Variants in SORCS1 observed in about 807,000 individuals in gnomAD.
SORCS1 encodes VPS10 domain-containing receptor SorCS1.
SORCS1 carries 60 observed loss-of-function variants against 146.1 expected under a neutral mutation model. That is an observed-to-expected ratio of 0.41 (90% CI 0.33 to 0.51). SORCS1 has a LOEUF of 0.51. Ranked by LOEUF, SORCS1 falls within the 20% of genes least tolerant of loss-of-function variation. The pLI is 0.21. For missense variants in SORCS1, 1,352 were observed against 1,487.6 expected (o/e 0.91, Z 1.50); for synonymous variants, 637 against 584.0 (o/e 1.09, Z -1.31).
intron 2 of SORCS1, among the ~76,000 whole-genome samples, chr10:106,885,263 A>T (rs1402717547): frequency 6.7e-6 from 1 of 148,652 alleles, no homozygotes; most frequent in Admixed American, 6.7e-5. Flanking sequence ...TAGAAATATA[A>T]TAAAGTTTTT....
intron 3 of SORCS1, among the ~76,000 whole-genome samples, chr10:106,783,995 A>AG (rs1009340730): frequency 8.5e-5 from 13 of 152,184 alleles, no homozygotes; most frequent in African/African-American, 2.9e-4. Context: ...TAAAAAAAAA[A>AG]CAGACTCATT....
At chr10:107,004,424 G>A (rs1957355145) in intron 1 of SORCS1, among the ~76,000 whole-genome samples, 1 of 152,108 alleles carries the variant, frequency 6.6e-6, no homozygotes, top group Admixed American at 6.6e-5. Flanking sequence ...CAATCATGGT[G>A]GAGAGAAAAA....
intron 1 of SORCS1, among the ~76,000 whole-genome samples, chr10:107,117,258 G>A (rs938537104): frequency 2.6e-5 from 4 of 152,190 alleles, no homozygotes; most frequent in African/African-American, 9.7e-5. Flanking sequence ...GAAACAAAAA[G>A]TAATGAAGGA....
At chr10:106,606,882 A>C (rs1225012797) in intron 23 of SORCS1, among the ~76,000 whole-genome samples, 2 of 152,194 alleles carry the variant, frequency 1.3e-5, no homozygotes, top group African/African-American at 4.8e-5. Context: ...GAAGAAGGAC[A>C]GGTTTGCTTC....
At chr10:106,891,369 G>C (rs931807377) in intron 2 of SORCS1, among the ~76,000 whole-genome samples, 3 of 152,088 alleles carry the variant, frequency 2.0e-5, no homozygotes, top group Non-Finnish European at 4.4e-5. Context: ...AGAGTGATCA[G>C]AATCAATGAA....
intron 5 of SORCS1, among the ~76,000 whole-genome samples, chr10:106,748,897 C>T (rs1857943032): frequency 6.6e-6 from 1 of 152,150 alleles, no homozygotes; most frequent in South Asian, 2.1e-4. Context: ...GGAAGCATGA[C>T]TCAACCAGAG....
chr10:106,581,597 AAC>A (rs1018783686), intron 24 of SORCS1, among the ~76,000 whole-genome samples: 2 of 151,024 alleles, frequency 1.3e-5, no homozygotes, highest in South Asian at 2.1e-4. Context: ...TGTGCATGCA[AAC>A]ACACACACAC....
At chr10:107,160,297 G>C (rs1249108092) in intron 1 of SORCS1, among the ~76,000 whole-genome samples, 1 of 152,178 alleles carries the variant, frequency 6.6e-6, no homozygotes, top group Admixed American at 6.5e-5. Flanking sequence ...GGATCACTTT[G>C]GGTGACAGTC....
intron 1 of SORCS1, among the ~76,000 whole-genome samples, chr10:107,049,744 T>C (rs1317791387): frequency 1.3e-5 from 2 of 152,122 alleles, no homozygotes; most frequent in African/African-American, 4.8e-5. Flanking sequence ...ATGCTCCAAA[T>C]TAGATTCTGT....
At chr10:106,760,736 C>T (rs12571999) in intron 5 of SORCS1, among the ~76,000 whole-genome samples, 7,824 of 150,730 alleles carry the variant, frequency 0.052, 402 homozygotes, top group East Asian at 0.25. Flanking sequence ...CACACACACA[C>T]GCACATTTGG....
At position 106,688,252 on chromosome 10, in the gene SORCS1, G is replaced by A. The variant is rs758534208; in HGVS notation, c.1500C>T (p.Asp500=). ...TGTCCGGCGCCTGCAGCAAACGCCA[G>A]TCTCTGCCTTTGTTATATGTGATGA... is the stretch of plus-strand genomic sequence containing the variant. ...KTFITYNKGR[D]WRLLQAPDTD... Residue 500 remains aspartate (D), a synonymous_variant, in exon 10 of 26, where the codon GAC becomes GAT. Transcript: ENST00000263054. 1.2e-6 allele frequency: 2 copies of A among 1,613,976 alleles called. No homozygotes were observed. The highest frequency in any genetic ancestry group is 4.5e-5 in the East Asian group (2 of 44,888).
At chr10:107,103,363 A>ATTTATTAATATAT (rs1965080202) in intron 1 of SORCS1, among the ~76,000 whole-genome samples, 1 of 152,218 alleles carries the variant, frequency 6.6e-6, no homozygotes, top group Admixed American at 6.5e-5. Flanking sequence ...GTCCCGACTA[A>ATTTATTAATATAT]GGTTTATTAA....
chr10:107,175,974 G>A, the SORCS1 span, among the ~76,000 whole-genome samples: 123 of 152,028 alleles, frequency 8.1e-4, 1 homozygote, highest in South Asian at 1.7e-3. Flanking sequence ...TTTATTAATT[G>A]TTAAAAGCAA....
At chr10:106,903,404 C>T (rs887845582) in intron 2 of SORCS1, among the ~76,000 whole-genome samples, 16 of 152,260 alleles carry the variant, frequency 1.1e-4, no homozygotes, top group African/African-American at 3.8e-4. Context: ...CTGTGAGTGC[C>T]AGTTGTTTCT....
intron 24 of SORCS1, among the ~76,000 whole-genome samples, chr10:106,587,915 C>T (rs912368600): frequency 6.6e-6 from 1 of 152,086 alleles, no homozygotes; most frequent in Admixed American, 6.5e-5. Context: ...TAACCCTTTA[C>T]CATTTTTATA....
intron 1 of SORCS1, among the ~76,000 whole-genome samples, chr10:107,124,079 T>G (rs1208688371): frequency 6.7e-6 from 1 of 149,786 alleles, no homozygotes; most frequent in African/African-American, 2.5e-5. Flanking sequence ...AGAGCGAGAC[T>G]TCGTCTCAAA....
At chr10:106,604,951 A>AAGT (rs1451740672) in intron 23 of SORCS1, among the ~76,000 whole-genome samples, 6 of 152,230 alleles carry the variant, frequency 3.9e-5, no homozygotes, top group African/African-American at 1.2e-4. Flanking sequence ...TCAATTATTC[A>AAGT]ACTTTTCTTG....
intron 1 of SORCS1, among the ~76,000 whole-genome samples, chr10:107,018,451 GC>G (rs1468031455): frequency 6.6e-6 from 1 of 151,956 alleles, no homozygotes; most frequent in African/African-American, 2.4e-5. Context: ...CTCCCAAAGT[GC>G]TAGGATTACA....
chr10:107,088,196 T>C (rs1426187835), intron 1 of SORCS1, among the ~76,000 whole-genome samples: 2 of 151,012 alleles, frequency 1.3e-5, no homozygotes, highest in African/African-American at 4.9e-5. Flanking sequence ...CCTGAATTTA[T>C]TTTTTTTAAA....
Sources: allele counts gnomAD v4.1 joint callset (sites outside exome capture counted in the v4.1 genomes callset), GRCh38; gene constraint gnomAD v4.1.1; transcripts MANE v1.5; gene names NCBI Gene and HGNC (gene_info 2026-07-23, HGNC 2026-07-21).